The following CPS1 variants were observed in gnomAD, a reference collection of about 807,000 sequenced individuals.
CPS1 encodes carbamoyl-phosphate synthase [ammonia], mitochondrial.
Under a neutral mutation model 174.6 loss-of-function variants are expected in CPS1, and 109 were observed. The observed-to-expected ratio is 0.62, with a 90% CI of 0.53 to 0.73. CPS1 has a LOEUF of 0.73. CPS1 is among the 30% of genes least tolerant of loss of function. The probability of loss-of-function intolerance (pLI) is 0.00; values close to 1 mark genes in which losing one functional copy is unlikely to be tolerated. For missense variants in CPS1, 1,689 were observed against 1,821.9 expected (o/e 0.93, Z 1.33); for synonymous variants, 637 against 632.0 (o/e 1.01, Z -0.12).
At chr2:210,636,617 A>C (rs1700048037) in intron 21 of CPS1, among the ~76,000 whole-genome samples, 1 of 151,988 alleles carries the variant, frequency 6.6e-6, no homozygotes, top group South Asian at 2.1e-4. Context: ...AAGTTAGGAG[A>C]CATTAAAAGT....
intron 34 of CPS1, chr2:210,671,601 T>C (rs1701305333): frequency 6.6e-6 from 1 of 152,244 alleles, no homozygotes; most frequent in African/African-American, 2.4e-5. Flanking sequence ...CTGAGGCTAC[T>C]CAGATGCAAG....
At chr2:210,525,623 G>A (rs1219058114) in intron 1 of CPS1, among the ~76,000 whole-genome samples, 2 of 151,466 alleles carry the variant, frequency 1.3e-5, no homozygotes, top group Non-Finnish European at 2.9e-5. Flanking sequence ...AGTGATAAGG[G>A]ACACAATAGA....
intron 1 of CPS1, among the ~76,000 whole-genome samples, chr2:210,517,375 A>G (rs1695710547): frequency 6.6e-6 from 1 of 151,988 alleles, no homozygotes; most frequent in Admixed American, 6.6e-5. Context: ...ACTTATTGTA[A>G]AGTAAAGGTT....
intron 1 of CPS1, among the ~76,000 whole-genome samples, chr2:210,514,909 C>G (rs566280282): frequency 6.7e-6 from 1 of 149,312 alleles, no homozygotes; most frequent in Non-Finnish European, 1.5e-5. Flanking sequence ...AATCATTAAG[C>G]GATGTTGGAT....
At chr2:210,592,788 AT>A in intron 10 of CPS1, 90 bp from the exon 11 acceptor site, 2 of 1,301,756 alleles carry the variant, frequency 1.5e-6, no homozygotes, top group Admixed American at 3.4e-5. Context: ...CAGTTTTTAA[AT>A]TTGAGCTTTA....
intron 1 of CPS1, among the ~76,000 whole-genome samples, chr2:210,536,728 A>G (rs1327197531): frequency 6.6e-6 from 1 of 152,176 alleles, no homozygotes; most frequent in East Asian, 1.9e-4. Context: ...AACTGTGGAT[A>G]TTTACTGTCA....
chr2:210,618,612 G>A (rs1357969063), intron 21 of CPS1: 5 of 152,070 alleles, frequency 3.3e-5, no homozygotes, highest in South Asian at 4.1e-4. Flanking sequence ...TAAATAACAA[G>A]AATAGATGGC....
At chr2:210,498,289 A>G (rs958336807) in intron 1 of CPS1, among the ~76,000 whole-genome samples, 8 of 151,398 alleles carry the variant, frequency 5.3e-5, no homozygotes, top group African/African-American at 1.7e-4. Context: ...AGCATAGAAT[A>G]TTTTTCCACT....
chr2:210,580,282 A>G (rs1697877031), intron 5 of CPS1, among the ~76,000 whole-genome samples: 2 of 152,164 alleles, frequency 1.3e-5, no homozygotes, highest in Admixed American at 6.6e-5. Context: ...CATTACTTCA[A>G]TTATATAGTC....
chr2:210,567,880 G>C (rs1277139203), intron 1 of CPS1, among the ~76,000 whole-genome samples: 1 of 152,148 alleles, frequency 6.6e-6, no homozygotes, highest in Non-Finnish European at 1.5e-5. Context: ...TTAGTAAAAT[G>C]ACCAGAAGTC....
rs371426184 is a variant in CPS1 at position 210,612,272 on chromosome 2, G to C, written c.2547G>C (p.Thr849=). The C allele has an allele frequency of 6.2e-7, 1 of 1,611,888 alleles. No homozygotes were observed. Among genetic ancestry groups the C allele is most frequent in the Non-Finnish European group, 8.5e-7 (1 of 1,178,600 alleles). ...AAGAGTTGTCTGAACCAAGCAGCAC[G>C]CGTATCTATGCCATTGCCAAGGTAA... The part of the protein sequence containing the change: ...LRKELSEPSS[T]RIYAIAKAID... Residue 849 remains threonine, a synonymous_variant, in exon 20 of 38, where the codon ACG becomes ACC. Transcript: ENST00000233072.
intron 34 of CPS1, chr2:210,672,510 T>G (rs1701343694): frequency 6.6e-6 from 1 of 152,194 alleles, no homozygotes; most frequent in Admixed American, 6.6e-5. Flanking sequence ...CAAGGAATCT[T>G]AAAACATGAA....
intron 6 of CPS1, among the ~76,000 whole-genome samples, chr2:210,583,873 A>G (rs938837635): frequency 1.3e-5 from 2 of 152,152 alleles, no homozygotes; most frequent in Non-Finnish European, 2.9e-5. Context: ...AACTTATCAG[A>G]ACAAAACTCA....
chr2:210,664,791 G>A (rs186691146), intron 33 of CPS1, among the ~76,000 whole-genome samples: 178 of 152,240 alleles, frequency 1.2e-3, no homozygotes, highest in African/African-American at 4.1e-3. Context: ...TTATTTGAAA[G>A]AGTCGTTAAT....
chr2:210,576,526 T>C (rs1230458246), intron 3 of CPS1, 36 bp downstream of exon 3: 1 of 1,612,072 alleles, frequency 6.2e-7, no homozygotes, highest in East Asian at 2.2e-5. Context: ...AAGTCTCAAT[T>C]TGAGGGAGTA....
intron 35 of CPS1, 39 bp from the exon 36 acceptor site, chr2:210,675,689 A>G: frequency 1.1e-6 from 1 of 927,460 alleles, no homozygotes; most frequent in Non-Finnish European, 1.8e-6. Context: ...ATAAGAAATC[A>G]CTGTGATACG....
At chr2:210,521,530 T>G (rs958497896) in intron 1 of CPS1, among the ~76,000 whole-genome samples, 2 of 151,952 alleles carry the variant, frequency 1.3e-5, no homozygotes, top group South Asian at 2.1e-4. Flanking sequence ...TTATTTTTCT[T>G]TTCATGTTTC....
intron 32 of CPS1, among the ~76,000 whole-genome samples, chr2:210,662,597 G>A (rs1700960640): frequency 1.3e-5 from 2 of 152,184 alleles, no homozygotes; most frequent in African/African-American, 4.8e-5. Context: ...CTGCACAAAG[G>A]TGTTTCCAAG....
intron 1 of CPS1, chr2:210,519,669 A>T: frequency 5.0e-6 from 4 of 794,254 alleles, no homozygotes; most frequent in Non-Finnish European, 6.1e-6. Context: ...ATCTAGACAC[A>T]GGCACGTGAC....
Sources: allele counts gnomAD v4.1 joint callset (sites outside exome capture counted in the v4.1 genomes callset), GRCh38; gene constraint gnomAD v4.1.1; transcripts MANE v1.5; gene names NCBI Gene and HGNC (gene_info 2026-07-23, HGNC 2026-07-21).